The following HAVCR1 variants were observed in gnomAD, a reference collection of about 807,000 sequenced individuals.
HAVCR1 encodes the protein hepatitis A virus cellular receptor 1.
Under a neutral mutation model 32.0 loss-of-function variants are expected in HAVCR1, and 34 were observed. The ratio of observed to expected loss-of-function variants is 1.06; its 90% CI spans 0.81 to 1.42. HAVCR1 has a LOEUF of 1.42. HAVCR1 is among the 40% of genes most tolerant of loss of function. The probability of loss-of-function intolerance (pLI) is 0.00; values close to 1 mark genes in which losing one functional copy is unlikely to be tolerated. For synonymous variants in HAVCR1, 178 were observed against 170.3 expected (o/e 1.05, Z -0.35); for missense variants, 420 against 442.3 (o/e 0.95, Z 0.45).
intron 4 of HAVCR1, among the ~76,000 whole-genome samples, chr5:157,050,001 C>T (rs564722761): frequency 6.6e-6 from 1 of 152,340 alleles, no homozygotes; most frequent in Admixed American, 6.5e-5. Flanking sequence ...AAAGCATTTA[C>T]ATGATTCCCT....
intron 5 of HAVCR1, among the ~76,000 whole-genome samples, chr5:157,047,161 CCCCG>C (rs1207231672): frequency 3.3e-5 from 5 of 152,110 alleles, no homozygotes; most frequent in Non-Finnish European, 5.9e-5. Context: ...CTTTAATTTC[CCCCG>C]CCTTTCTGAT....
At chr5:157,043,765 C>A (rs74683840) in intron 5 of HAVCR1, among the ~76,000 whole-genome samples, 9,222 of 152,228 alleles carry the variant, frequency 0.061, 714 homozygotes, top group African/African-American at 0.18. Context: ...AACACTTTAC[C>A]TTCTAACAAC....
chr5:157,052,998 G>C (rs540060256), intron 3 of HAVCR1, among the ~76,000 whole-genome samples: 1 of 152,130 alleles, frequency 6.6e-6, no homozygotes. Flanking sequence ...CTGCTGCCTC[G>C]AACTCCCAGG....
chr5:157,029,771 T>C lies in HAVCR1; in HGVS notation c.1057A>G (p.Asn353Asp), dbSNP rs767408402. The C allele has an allele frequency of 6.2e-7, 1 of 1,611,660 alleles. No individual in the cohort carries two copies. Among genetic ancestry groups the C allele is most frequent in the East Asian group, 2.2e-5 (1 of 44,854 alleles). ...AVEKEVQAED[N>D]IYIENSLYAT... ...TAAAGACTATTCTCAATGTAGATAT[T>C]GTCTTCTGCTTGGACTTCCTTTTCA... Residue 353 changes from asparagine (N) to aspartate (D), a missense_variant, in exon 9 of 9, where the codon AAT (asparagine) becomes GAT (aspartate). Asn to Asp is a conservative substitution (Grantham distance 23, BLOSUM62 1). Coordinates refer to ENST00000523175, the MANE Select transcript of HAVCR1 (RefSeq NM_001173393.3).
At chr5:157,067,519 A>C in the HAVCR1 span, among the ~76,000 whole-genome samples, 6 of 152,112 alleles carry the variant, frequency 3.9e-5, no homozygotes, top group Non-Finnish European at 7.4e-5. Flanking sequence ...AAAAATAAAA[A>C]AATTAGCTGT....
the HAVCR1 span, among the ~76,000 whole-genome samples, chr5:157,066,446 A>C: frequency 1.3e-5 from 2 of 150,236 alleles, no homozygotes; most frequent in Non-Finnish European, 2.9e-5. Context: ...TTGAGGCTGC[A>C]GTGAGATATG....
In HAVCR1 at chr5:157,044,586, G is replaced by GGAAAGAAAGAAA. The variant is rs72157678; in HGVS notation, c.782-1916_782-1905dup. Among the ~76,000 whole-genome samples the GGAAAGAAAGAAA allele has an allele frequency of 8.8e-3, 495 of 56,370 alleles. 27 individuals carry two copies. The highest frequency in any genetic ancestry group is 0.015 in the African/African-American group (212 of 13,928). The allele number at this position is 56,370 out of a possible 152,430, so 37.0% of individuals were successfully genotyped here. A position where few individuals can be genotyped will look rare whatever the true frequency, so the allele number is the denominator to read the frequency against. The stretch of plus-strand genomic sequence containing the variant: ...GAGAGAAAGAAAGACAAAGAAAGAA[G>GGAAAGAAAGAAA]GAAAGAAAGAAAGAAAGAAAGAAAG... On this transcript the variant is annotated intron_variant, in intron 5 of 8. Coordinates refer to ENST00000523175, the MANE Select transcript of HAVCR1 (RefSeq NM_001173393.3).
intron 5 of HAVCR1, among the ~76,000 whole-genome samples, chr5:157,043,559 C>T (rs1336524093): frequency 6.6e-6 from 1 of 152,138 alleles, no homozygotes; most frequent in Non-Finnish European, 1.5e-5. Context: ...GACTTAGCTA[C>T]TCGGATGGCT....
chr5:157,046,131 T>C (rs372214875), intron 5 of HAVCR1, among the ~76,000 whole-genome samples: 3 of 152,162 alleles, frequency 2.0e-5, no homozygotes, highest in African/African-American at 7.2e-5. Context: ...ACACTGCAGG[T>C]CCATTTTAAA....
chr5:157,033,382 G>C (rs1488662381), intron 7 of HAVCR1, among the ~76,000 whole-genome samples: 1 of 152,038 alleles, frequency 6.6e-6, no homozygotes, highest in Non-Finnish European at 1.5e-5. Flanking sequence ...GAGGTTGTTA[G>C]GGCTCAGAAT....
At chr5:157,042,205 T>C (rs972209090) in intron 6 of HAVCR1, among the ~76,000 whole-genome samples, 1 of 151,758 alleles carries the variant, frequency 6.6e-6, no homozygotes, top group Non-Finnish European at 1.5e-5. Context: ...AATTAAAGCA[T>C]CCCGAGGCGG....
At chr5:157,061,571 G>A (rs762041362), upstream of HAVCR1, among the ~76,000 whole-genome samples, 5 of 152,098 alleles carry the variant, frequency 3.3e-5, no homozygotes, top group Admixed American at 6.5e-5. Flanking sequence ...GCCAGGCGTG[G>A]TGGCGGGTGC....
At chr5:157,038,033 T>TC in intron 6 of HAVCR1, among the ~76,000 whole-genome samples, 1 of 93,400 alleles carries the variant, frequency 1.1e-5, no homozygotes, top group South Asian at 3.3e-4. Flanking sequence ...GAAAAAAAAA[T>TC]TGTTTATATA....
Position 157,029,426 on chromosome 5 carries a change from A to G in HAVCR1, c.*307T>C. 1 of 610,688 alleles carries G rather than the reference A, an allele frequency of 1.6e-6. No homozygotes were observed. The highest frequency in any genetic ancestry group is 2.9e-6 in the Non-Finnish European group (1 of 347,558). The allele number at this position is 610,688 out of a possible 1,614,324, so 37.8% of individuals were successfully genotyped here. On this transcript the variant is annotated 3_prime_UTR_variant, in exon 9 of 9. Coordinates refer to ENST00000523175, the MANE Select transcript of HAVCR1 (RefSeq NM_001173393.3). ...TTCCAGGGACTATTCTCTTTGATGT[A>G]TACAGGATTTATGGGGTCTAAAAAG...
intron 5 of HAVCR1, among the ~76,000 whole-genome samples, chr5:157,046,172 A>C (rs1755385436): frequency 6.6e-6 from 1 of 152,172 alleles, no homozygotes; most frequent in Non-Finnish European, 1.5e-5. Flanking sequence ...ATTGGCAAAA[A>C]AAGTAGGCCA....
rs1218614299 is a variant in HAVCR1 at position 157,042,612 on chromosome 5, G to GC, written c.837+14dup. On this transcript the variant is annotated intron_variant, in intron 6 of 8. Coordinates refer to ENST00000523175, the MANE Select transcript of HAVCR1 (RefSeq NM_001173393.3). ...AAGTGAATCTGGCTAATCAAATAGG[G>GC]CGGAATATGCTTACAGTTTGATTGT... is the stretch of plus-strand genomic sequence containing the variant. The GC allele has an allele frequency of 6.5e-7, 1 of 1,530,610 alleles. No homozygotes were observed. Among genetic ancestry groups the GC allele is most frequent in the Non-Finnish European group, 9.0e-7 (1 of 1,106,678 alleles). The allele number at this position is 1,530,610 out of a possible 1,614,324, so 94.8% of individuals were successfully genotyped here.
chr5:157,058,006 T>G, intron 1 of HAVCR1, 51 bp from the exon 2 acceptor site: 1 of 1,220,188 alleles, frequency 8.2e-7, no homozygotes, highest in Non-Finnish European at 1.2e-6. Flanking sequence ...CCAGATGGTA[T>G]CTGATCAAGT....
chr5:157,045,012 G>A (rs185663309), intron 5 of HAVCR1, among the ~76,000 whole-genome samples: 1 of 151,968 alleles, frequency 6.6e-6, no homozygotes, highest in East Asian at 1.9e-4. Context: ...TATCCACAGG[G>A]GATATGTTCC....
At position 157,057,932 on chromosome 5, in the gene HAVCR1, T is replaced by C. The variant is rs778418874; in HGVS notation, c.12A>G (p.Gln4=). The C allele has an allele frequency of 3.1e-6, 5 of 1,613,542 alleles. No homozygotes were observed. Among genetic ancestry groups the C allele is most frequent in the Non-Finnish European group, 3.4e-6 (4 of 1,179,682 alleles). Residue 4 remains glutamine, a synonymous_variant, in exon 2 of 9, where the codon CAA becomes CAG. Coordinates refer to ENST00000523175, the MANE Select transcript of HAVCR1 (RefSeq NM_001173393.3). The part of the protein sequence containing the change: MHP[Q]VVILSLILHL... ...GTAGGATGAGGCTTAAGATGACCAC[T>C]TGAGGATGCATTATGGGATCAGCCT...
Sources: allele counts gnomAD v4.1 joint callset (sites outside exome capture counted in the v4.1 genomes callset), GRCh38; gene constraint gnomAD v4.1.1; transcripts MANE v1.5; gene names NCBI Gene and HGNC (gene_info 2026-07-23, HGNC 2026-07-21).